The following PDE4D variants were observed in gnomAD, a reference collection of about 807,000 sequenced individuals.
The protein encoded by PDE4D is 3',5'-cyclic-AMP phosphodiesterase 4D.
A neutral mutation model predicts 87.4 loss-of-function variants in PDE4D; 24 were observed. The observed-to-expected ratio is 0.27, with a 90% CI of 0.20 to 0.39. The LOEUF is 0.39. Ranked by LOEUF, PDE4D falls within the 10% of genes least tolerant of loss-of-function variation. The pLI is 1.00. For missense variants in PDE4D, 714 were observed against 1,041.0 expected (o/e 0.69, Z 4.32); for synonymous variants, 384 against 383.2 (o/e 1.00, Z -0.02).
intron 1 of PDE4D, among the ~76,000 whole-genome samples, chr5:59,414,762 T>C (rs988151695): frequency 6.6e-6 from 1 of 152,150 alleles, no homozygotes; most frequent in African/African-American, 2.4e-5. Flanking sequence ...AAATAGTCTG[T>C]GTAGGGCTTA....
intron 1 of PDE4D, among the ~76,000 whole-genome samples, chr5:59,853,993 T>C (rs1437903075): frequency 3.3e-5 from 5 of 152,102 alleles, no homozygotes; most frequent in African/African-American, 4.8e-5. Context: ...TTTGAACATG[T>C]ATCATTTCAG....
At chr5:59,786,031 G>C (rs73758888) in intron 1 of PDE4D, among the ~76,000 whole-genome samples, 1 of 152,070 alleles carries the variant, frequency 6.6e-6, no homozygotes, top group African/African-American at 2.4e-5. Flanking sequence ...GTTTCTTCTG[G>C]TAGGTGAACA....
At chr5:59,510,365 CTAA>C (rs202208007) in intron 1 of PDE4D, among the ~76,000 whole-genome samples, 1,679 of 151,088 alleles carry the variant, frequency 0.011, 22 homozygotes, top group African/African-American at 0.038. Context: ...AAAACAAATA[CTAA>C]TAAGAGAAAA....
chr5:60,301,951 T>G (rs1020550139), intron 1 of PDE4D, among the ~76,000 whole-genome samples: 2 of 151,650 alleles, frequency 1.3e-5, no homozygotes, highest in African/African-American at 2.4e-5. Flanking sequence ...TTGTCTTTAG[T>G]TTTTTTTATA....
At chr5:60,353,572 A>G (rs977295041) in intron 1 of PDE4D, among the ~76,000 whole-genome samples, 21 of 152,208 alleles carry the variant, frequency 1.4e-4, no homozygotes, top group African/African-American at 3.6e-4. Flanking sequence ...ATGCTTCACA[A>G]GGGTTCTGGT....
At chr5:59,387,048 C>T (rs1787217327) in intron 1 of PDE4D, among the ~76,000 whole-genome samples, 1 of 152,130 alleles carries the variant, frequency 6.6e-6, no homozygotes, top group South Asian at 2.1e-4. Flanking sequence ...AAATCAATTT[C>T]TCACTATCCT....
chr5:59,345,806 C>T (rs1464557267), intron 1 of PDE4D, among the ~76,000 whole-genome samples: 1 of 152,128 alleles, frequency 6.6e-6, no homozygotes, highest in African/African-American at 2.4e-5. Flanking sequence ...TATCTAAAGA[C>T]AAAGGCATAA....
chr5:60,043,880 G>C (rs1768824538), intron 2 of PDE4D, among the ~76,000 whole-genome samples: 1 of 152,172 alleles, frequency 6.6e-6, no homozygotes, highest in Non-Finnish European at 1.5e-5. Flanking sequence ...TTGAAGGATA[G>C]TTTCACTGTA....
At chr5:60,227,438 C>T (rs1156671815) in intron 1 of PDE4D, among the ~76,000 whole-genome samples, 3 of 151,748 alleles carry the variant, frequency 2.0e-5, no homozygotes, top group Non-Finnish European at 2.9e-5. Flanking sequence ...CCTTAGCACC[C>T]GGATGAGTCC....
chr5:59,065,216 G>A (rs1011416675), intron 5 of PDE4D, among the ~76,000 whole-genome samples: 2 of 151,824 alleles, frequency 1.3e-5, no homozygotes, highest in African/African-American at 4.8e-5. Flanking sequence ...CATGCTAAGT[G>A]GAATAAACCA....
At chr5:60,196,360 A>C (rs1741217929) in intron 1 of PDE4D, among the ~76,000 whole-genome samples, 1 of 151,766 alleles carries the variant, frequency 6.6e-6, no homozygotes, top group East Asian at 1.9e-4. Context: ...GGACCTTCTC[A>C]TTAATATTGC....
chr5:59,091,121 G>C, intron 5 of PDE4D: 1 of 453,426 alleles, frequency 2.2e-6, no homozygotes. Context: ...TCCCATTATA[G>C]AGCCCTGTCA....
intron 1 of PDE4D, among the ~76,000 whole-genome samples, chr5:60,193,320 T>C (rs535006966): frequency 1.5e-4 from 23 of 152,200 alleles, no homozygotes; most frequent in Admixed American, 1.1e-3. Context: ...AGGAGCTCAA[T>C]CTACAAAATA....
chr5:59,942,523 G>A (rs1471896962), intron 3 of PDE4D, among the ~76,000 whole-genome samples: 4 of 152,164 alleles, frequency 2.6e-5, no homozygotes, highest in Admixed American at 2.6e-4. Flanking sequence ...GGAGAGAAAG[G>A]CTGCAGCTAT....
chr5:59,798,064 T>A (rs1766693254), intron 1 of PDE4D, among the ~76,000 whole-genome samples: 1 of 151,884 alleles, frequency 6.6e-6, no homozygotes, highest in Non-Finnish European at 1.5e-5. Context: ...AGATTCCGCA[T>A]CTACAAAAAA....
intron 1 of PDE4D, among the ~76,000 whole-genome samples, chr5:60,497,045 G>C (rs1749845007): frequency 6.6e-6 from 1 of 152,080 alleles, no homozygotes; most frequent in Admixed American, 6.5e-5. Flanking sequence ...TTTTCCCCAT[G>C]AATATGCTTT....
intron 1 of PDE4D, among the ~76,000 whole-genome samples, chr5:59,599,428 A>T (rs1440974780): frequency 6.6e-6 from 1 of 151,554 alleles, no homozygotes; most frequent in East Asian, 1.9e-4. Context: ...TTTAGTAGAG[A>T]TGGAGTTTCA....
chr5:59,124,185 G>C lies in PDE4D; in HGVS notation c.808+56410C>G, dbSNP rs891494847. ...ATTTCCTTACTTATAAACTGAGGGA[G>C]GTTGAGTGAGGAGTTCTATTTGTTT... On this transcript the variant is annotated intron_variant, in intron 5 of 14. Transcript: ENST00000340635. Among the ~76,000 whole-genome samples the C allele has an allele frequency of 4.6e-5, 7 of 152,178 alleles. No homozygotes were observed. In the South Asian group the frequency reaches 8.3e-4, roughly 18 times the overall value.
rs1005507385 is a variant in PDE4D, at chr5:60,246,614, T to C, written c.-89-60927A>G. 4.0e-5 allele frequency among the ~76,000 whole-genome samples: 6 copies of C among 151,696 alleles called. No individual in the cohort carries two copies. The East Asian group carries it at 7.8e-4, about 20-fold the overall frequency. On this transcript the variant is annotated intron_variant, in intron 1 of 16. Transcript: ENST00000502484. Reference sequence around the variant, plus strand: ...TCAATTACTTTAGTTTTCACCTTTATAAAGTGTGTTCTTTTTTTAACCTTA... The same window carrying C: ...TCAATTACTTTAGTTTTCACCTTTACAAAGTGTGTTCTTTTTTTAACCTTA...
Sources: allele counts gnomAD v4.1 joint callset (sites outside exome capture counted in the v4.1 genomes callset), GRCh38; gene constraint gnomAD v4.1.1; transcripts MANE v1.5; gene names NCBI Gene and HGNC (gene_info 2026-07-23, HGNC 2026-07-21).